The following IMMP2L variants were observed in gnomAD, a reference collection of about 807,000 sequenced individuals.
IMMP2L encodes the protein inner mitochondrial membrane peptidase subunit 2.
In IMMP2L, 18 loss-of-function variants were observed where a neutral mutation model predicts 19.3. The ratio of observed to expected loss-of-function variants is 0.93; its 90% CI spans 0.64 to 1.38. IMMP2L has a LOEUF of 1.38. Among genes scored for constraint, IMMP2L ranks in the 40% most tolerant of loss-of-function variants. The pLI, the probability that IMMP2L is intolerant of heterozygous loss-of-function variation, is 0.00. For missense variants in IMMP2L, 233 were observed against 218.2 expected (o/e 1.07, Z -0.43); for synonymous variants, 76 against 73.0 (o/e 1.04, Z -0.21).
At chr7:110,746,307 G>A (rs1231890035) in intron 5 of IMMP2L, among the ~76,000 whole-genome samples, 1 of 152,000 alleles carries the variant, frequency 6.6e-6, no homozygotes, top group Admixed American at 6.6e-5. Flanking sequence ...AATAATAGTG[G>A]GAGACTTTAA....
rs181425790 is a variant in IMMP2L, at chr7:111,115,146, G to C, written c.240-151581C>G. Among the ~76,000 whole-genome samples, 3 of 152,230 alleles carry C rather than the reference G, an allele frequency of 2.0e-5. No homozygotes were observed. In the East Asian group the frequency reaches 5.8e-4, roughly 29 times the overall value. ...ATGCTAAATAACAAGGTAAATAAAA[G>C]AGAGGTTAAAAAGGCAAATCAGGCA... On this transcript the variant is annotated intron_variant, in intron 3 of 5. Coordinates refer to ENST00000405709, the MANE Select transcript of IMMP2L (RefSeq NM_032549.4).
chr7:110,955,860 T>C (rs1472688210), intron 4 of IMMP2L, among the ~76,000 whole-genome samples: 1 of 143,130 alleles, frequency 7.0e-6, no homozygotes, highest in Non-Finnish European at 1.5e-5. Flanking sequence ...AATGAATGCA[T>C]GATCTTCAAG....
intron 3 of IMMP2L, among the ~76,000 whole-genome samples, chr7:110,971,556 G>A (rs146818383): frequency 3.9e-5 from 6 of 152,174 alleles, no homozygotes; most frequent in African/African-American, 1.4e-4. Flanking sequence ...AACTTCTGGA[G>A]CTTAGATGTT....
chr7:111,424,524 A>G (rs1165402715), intron 3 of IMMP2L, among the ~76,000 whole-genome samples: 1 of 151,806 alleles, frequency 6.6e-6, no homozygotes, highest in African/African-American at 2.4e-5. Flanking sequence ...AAAGCTCAGC[A>G]TTTAAATATA....
intron 3 of IMMP2L, among the ~76,000 whole-genome samples, chr7:111,358,957 C>A (rs1392648210): frequency 6.6e-6 from 1 of 152,112 alleles, no homozygotes; most frequent in African/African-American, 2.4e-5. Context: ...GTACTCAACT[C>A]CATTTCAGTT....
At chr7:111,229,376 A>G (rs10262486) in intron 3 of IMMP2L, among the ~76,000 whole-genome samples, 12,388 of 152,076 alleles carry the variant, frequency 0.081, 564 homozygotes, top group African/African-American at 0.1. Flanking sequence ...GATACATGAT[A>G]AAAGTATGTG....
chr7:111,354,390 A>T (rs1398305773), intron 3 of IMMP2L, among the ~76,000 whole-genome samples: 2 of 152,068 alleles, frequency 1.3e-5, no homozygotes, highest in Admixed American at 6.6e-5. Context: ...CCTAAGGTAA[A>T]CAAACAGCAA....
chr7:110,906,983 GGTGA>G (rs1812526190), intron 4 of IMMP2L, among the ~76,000 whole-genome samples: 1 of 152,042 alleles, frequency 6.6e-6, no homozygotes, highest in Non-Finnish European at 1.5e-5. Flanking sequence ...CAGGAGCTGG[GGTGA>G]GTACTTTTGG....
chr7:111,539,200 A>AGGAAGGAAGGAAGGAAGG lies in IMMP2L; in HGVS notation c.-2-17752_-2-17751insCCTTCCTTCCTTCCTTCC, dbSNP rs1404178837. On this transcript the variant is annotated intron_variant, in intron 1 of 5. Transcript: ENST00000405709. ...GGAAGGAAGGAAGGAAGGAGGGAGA[A>AGGAAGGAAGGAAGGAAGG]AGAAAGAAAGAAAGAAAGAAAGAAA... 5.5e-4 allele frequency among the ~76,000 whole-genome samples: 10 copies of AGGAAGGAAGGAAGGAAGG among 18,258 alleles called. 2 individuals carry two copies. The highest frequency in any genetic ancestry group is 7.2e-4 in the Non-Finnish European group (7 of 9,684). The allele number at this position is 18,258 out of a possible 152,430, so 12.0% of individuals were successfully genotyped here. A position where few individuals can be genotyped will look rare whatever the true frequency, so the allele number is the denominator to read the frequency against.
intron 5 of IMMP2L, among the ~76,000 whole-genome samples, chr7:110,782,268 A>G (rs1799794114): frequency 6.6e-6 from 1 of 151,980 alleles, no homozygotes. Flanking sequence ...ATCCTCAGAA[A>G]GACTATCAAA....
intron 3 of IMMP2L, among the ~76,000 whole-genome samples, chr7:111,448,169 G>C (rs1838718970): frequency 7.7e-6 from 1 of 130,412 alleles, no homozygotes; most frequent in African/African-American, 3.7e-5. Context: ...AGTCAACAAG[G>C]ATACCCAGGA....
intron 5 of IMMP2L, among the ~76,000 whole-genome samples, chr7:110,694,001 A>G (rs974625276): frequency 1.3e-5 from 2 of 152,146 alleles, no homozygotes; most frequent in Non-Finnish European, 2.9e-5. Context: ...TAGAGGTTCT[A>G]TGTTTCCCAC....
chr7:111,239,922 T>C (rs1244957522), intron 3 of IMMP2L, among the ~76,000 whole-genome samples: 1 of 151,962 alleles, frequency 6.6e-6, no homozygotes, highest in Non-Finnish European at 1.5e-5. Context: ...TTTAAAGGTG[T>C]TCTATAATGA....
At chr7:110,814,503 A>C (rs1450888006) in intron 5 of IMMP2L, among the ~76,000 whole-genome samples, 1 of 150,998 alleles carries the variant, frequency 6.6e-6, no homozygotes, top group Admixed American at 6.6e-5. Flanking sequence ...GAATTAAAAG[A>C]GGGAGCATTT....
intron 3 of IMMP2L, among the ~76,000 whole-genome samples, chr7:111,363,603 G>A (rs1829461576): frequency 1.3e-5 from 2 of 152,012 alleles, no homozygotes; most frequent in Admixed American, 1.3e-4. Flanking sequence ...TGGATTTCTG[G>A]AGTGTTAGTC....
chr7:110,863,622 T>C (rs776244422), intron 5 of IMMP2L, among the ~76,000 whole-genome samples: 2 of 152,130 alleles, frequency 1.3e-5, no homozygotes, highest in Non-Finnish European at 2.9e-5. Context: ...CAATGAGCCA[T>C]AGGTCCCAGA....
intron 3 of IMMP2L, among the ~76,000 whole-genome samples, chr7:111,413,226 C>T (rs1834602174): frequency 6.6e-6 from 1 of 152,082 alleles, no homozygotes; most frequent in Non-Finnish European, 1.5e-5. Flanking sequence ...AATTAACAAT[C>T]TTCCCAAAAA....
chr7:111,428,017 T>TA (rs1836254272), intron 3 of IMMP2L, among the ~76,000 whole-genome samples: 1 of 151,844 alleles, frequency 6.6e-6, no homozygotes, highest in Non-Finnish European at 1.5e-5. Flanking sequence ...TCTTTCATGA[T>TA]ACGCTCCTGG....
chr7:111,470,127 C>G (rs1156835688), intron 3 of IMMP2L, among the ~76,000 whole-genome samples: 2 of 152,158 alleles, frequency 1.3e-5, no homozygotes, highest in Admixed American at 6.5e-5. Context: ...TGAAAAAATG[C>G]TCATCATCAC....
Sources: allele counts gnomAD v4.1 joint callset (sites outside exome capture counted in the v4.1 genomes callset), GRCh38; gene constraint gnomAD v4.1.1; transcripts MANE v1.5; gene names NCBI Gene and HGNC (gene_info 2026-07-23, HGNC 2026-07-21).